The following ABI1 variants were observed in gnomAD, a reference collection of about 807,000 sequenced individuals.
ABI1 encodes Abelson interactor 1.
In ABI1, 14 loss-of-function variants were observed where a neutral mutation model predicts 54.6. The observed-to-expected ratio is 0.26, with a 90% CI of 0.17 to 0.40. The LOEUF is 0.40. ABI1 is among the 10% of genes least tolerant of loss of function. The pLI is 1.00. For missense variants in ABI1, 443 were observed against 598.3 expected, an observed-to-expected ratio of 0.74 and a Z score of 2.71; for synonymous variants, 194 against 209.3, an observed-to-expected ratio of 0.93 and a Z score of 0.63.
chr10:26,815,825 C>A (rs1477381356), intron 2 of ABI1, among the ~76,000 whole-genome samples: 1 of 152,172 alleles, frequency 6.6e-6, no homozygotes, highest in East Asian at 1.9e-4. Flanking sequence ...GCGGGAGGAT[C>A]ATTTGAGCCC....
At chr10:26,785,726 G>GAA (rs778056094) in intron 2 of ABI1, among the ~76,000 whole-genome samples, 1 of 139,212 alleles carries the variant, frequency 7.2e-6, no homozygotes. Context: ...CTCTGTCTGG[G>GAA]AAAAAAAAAA....
intron 1 of ABI1, among the ~76,000 whole-genome samples, chr10:26,823,808 T>C (rs1221629908): frequency 6.6e-6 from 1 of 152,110 alleles, no homozygotes. Context: ...TCCAATTCCT[T>C]ACCCACCCCT....
rs540988069 is a variant in ABI1 at position 26,842,813 on chromosome 10, G to A, written c.117+17934C>T. On this transcript the variant is annotated intron_variant, in intron 1 of 10. Coordinates refer to ENST00000376140, the MANE Select transcript of ABI1 (RefSeq NM_001012750.3). ...TGTAATCCCAGCACTTTAGGAGGCC[G>A]AGGAGGGTGGATCACAAGGTCAGGA... Among the ~76,000 whole-genome samples, 198 of 152,236 alleles carry A rather than the reference G, an allele frequency of 1.3e-3. 1 individual carries two copies. The highest frequency in any genetic ancestry group is 2.5e-3 in the African/African-American group (105 of 41,544).
chr10:26,843,469 AAAAAAAAAAAAAAAAAATATATATAT>A (rs1395841101), intron 1 of ABI1, among the ~76,000 whole-genome samples: 5,857 of 81,708 alleles, frequency 0.072, 114 homozygotes, highest in African/African-American at 0.12. Flanking sequence ...AAAAAAAAAA[AAAAAAAAAAAAAAAAAATATATATAT>A]ATATATATAT....
intron 9 of ABI1, among the ~76,000 whole-genome samples, chr10:26,752,326 T>G (rs1385395079): frequency 6.6e-6 from 1 of 152,202 alleles, no homozygotes; most frequent in Non-Finnish European, 1.5e-5. Context: ...TTGGTAGTAT[T>G]AGGTCTGCTT....
intron 10 of ABI1, 62 bp from the exon 11 acceptor site, chr10:26,748,807 TAAGACA>T (rs1837233045): frequency 2.5e-6 from 3 of 1,212,628 alleles, no homozygotes; most frequent in African/African-American, 1.5e-5. Context: ...ACTTGAATTT[TAAGACA>T]AAGACAATTA....
rs201977431 is a variant in ABI1 at position 26,771,116 on chromosome 10, A to G, written c.463-27T>C. ...TTTACGTTGGCAAAAAAAGGGGGGG[A>G]AAAAGTAGACATTAATGCTAGGTAA... On this transcript the variant is annotated intron_variant, in intron 3 of 10. Coordinates refer to ENST00000376140, the MANE Select transcript of ABI1 (RefSeq NM_001012750.3). 4.4e-4 allele frequency: 705 copies of G among 1,610,224 alleles called. 1 individual carries two copies. The highest frequency in any genetic ancestry group is 2.1e-3 in the Middle Eastern group (13 of 6,054).
chr10:26,848,949 T>C (rs1033287887), intron 1 of ABI1, among the ~76,000 whole-genome samples: 1 of 152,196 alleles, frequency 6.6e-6, no homozygotes, highest in Non-Finnish European at 1.5e-5. Context: ...TTTATTTTAA[T>C]GGCAACTACA....
At chr10:26,775,873 T>C (rs1841351762) in intron 3 of ABI1, among the ~76,000 whole-genome samples, 1 of 152,228 alleles carries the variant, frequency 6.6e-6, no homozygotes, top group Non-Finnish European at 1.5e-5. Flanking sequence ...AGTATGTGTG[T>C]GCACATATAC....
intron 2 of ABI1, among the ~76,000 whole-genome samples, chr10:26,802,643 AAGT>A (rs1283459857): frequency 6.6e-6 from 1 of 152,182 alleles, no homozygotes; most frequent in African/African-American, 2.4e-5. Flanking sequence ...TAAATATAGG[AAGT>A]AGCGCTAACA....
intron 2 of ABI1, among the ~76,000 whole-genome samples, chr10:26,818,142 G>C (rs1207474865): frequency 1.2e-5 from 1 of 86,122 alleles, no homozygotes; most frequent in Non-Finnish European, 2.1e-5. Context: ...TTGGGAGACA[G>C]AGCAAGACTC....
At chr10:26,797,588 C>T (rs2133306654) in intron 2 of ABI1, among the ~76,000 whole-genome samples, 1 of 151,998 alleles carries the variant, frequency 6.6e-6, no homozygotes, top group Admixed American at 6.6e-5. Flanking sequence ...TAAGCAGAAA[C>T]ACAGAAAATG....
At chr10:26,835,957 T>G (rs2049041689) in intron 1 of ABI1, among the ~76,000 whole-genome samples, 1 of 151,924 alleles carries the variant, frequency 6.6e-6, no homozygotes, top group African/African-American at 2.4e-5. Context: ...CTCACCATGT[T>G]GCCCAGGCTG....
chr10:26,821,368 G>A (rs574228379), intron 2 of ABI1, among the ~76,000 whole-genome samples: 1 of 151,838 alleles, frequency 6.6e-6, no homozygotes, highest in East Asian at 1.9e-4. Context: ...AAATTAATAA[G>A]GCCAAAGATG....
intron 1 of ABI1, among the ~76,000 whole-genome samples, chr10:26,845,390 C>A (rs775732310): frequency 6.6e-6 from 1 of 152,160 alleles, no homozygotes; most frequent in African/African-American, 2.4e-5. Context: ...CACCTATAAT[C>A]GCAGCACTTT....
At chr10:26,748,843 C>T (rs1837243599) in intron 10 of ABI1, 98 bp from the exon 11 acceptor site, 2 of 855,592 alleles carry the variant, frequency 2.3e-6, no homozygotes, top group African/African-American at 1.7e-5. Context: ...CACAGCAAAA[C>T]TATTTTTATG....
intron 2 of ABI1, among the ~76,000 whole-genome samples, chr10:26,802,798 G>A (rs1377905587): frequency 2.0e-5 from 3 of 152,238 alleles, no homozygotes; most frequent in South Asian, 2.1e-4. Context: ...ACCTCACAGC[G>A]AAGAAACCAG....
intron 6 of ABI1, among the ~76,000 whole-genome samples, chr10:26,766,035 C>T (rs1333133282): frequency 6.6e-6 from 1 of 151,998 alleles, no homozygotes; most frequent in East Asian, 1.9e-4. Context: ...ATAGATACAA[C>T]AAAAGAGAAA....
At chr10:26,748,824 AATAT>A in intron 10 of ABI1, 79 bp from the exon 11 acceptor site, 1 of 1,022,524 alleles carries the variant, frequency 9.8e-7, no homozygotes. Context: ...AAGACAATTA[AATAT>A]ATAGCACAGC....
Sources: allele counts gnomAD v4.1 joint callset (sites outside exome capture counted in the v4.1 genomes callset), GRCh38; gene constraint gnomAD v4.1.1; transcripts MANE v1.5; gene names NCBI Gene and HGNC (gene_info 2026-07-23, HGNC 2026-07-21).